SEMA6A: variants seen among roughly 807,000 people sequenced by gnomAD.
The protein encoded by SEMA6A is semaphorin 6A, also known as semaphorin-6A.
In SEMA6A, 25 loss-of-function variants were observed where a neutral mutation model predicts 96.8. The ratio of observed to expected loss-of-function variants is 0.26; its 90% CI spans 0.19 to 0.36. SEMA6A has a LOEUF of 0.36. Among genes scored for constraint, SEMA6A ranks in the 10% least tolerant of loss-of-function variants. The pLI is 1.00. For synonymous variants in SEMA6A, 612 were observed against 518.0 expected, an observed-to-expected ratio of 1.18 and a Z score of -2.46; for missense variants, 1,363 against 1,323.1, an observed-to-expected ratio of 1.03 and a Z score of -0.47.
chr5:116,565,030 C>T (rs1231274114), intron 1 of SEMA6A, among the ~76,000 whole-genome samples: 1 of 152,220 alleles, frequency 6.6e-6, no homozygotes, highest in Non-Finnish European at 1.5e-5. Context: ...TCATGAATGG[C>T]CTCATTTACC....
At chr5:116,481,040 C>T (rs1277575876) in intron 11 of SEMA6A, among the ~76,000 whole-genome samples, 2 of 152,074 alleles carry the variant, frequency 1.3e-5, no homozygotes, top group Non-Finnish European at 2.9e-5. Context: ...GGAGATTGGA[C>T]CCTCACGACA....
rs973399913 is a variant in SEMA6A at position 116,451,126 on chromosome 5, G to GT, written c.1895-3316dup. 2.6e-5 allele frequency among the ~76,000 whole-genome samples: 4 copies of GT among 152,256 alleles called. No individual in the cohort carries two copies. In the East Asian group the frequency reaches 5.8e-4, roughly 22 times the overall value. On this transcript the variant is annotated intron_variant, in intron 18 of 18. Coordinates refer to ENST00000343348, the MANE Select transcript of SEMA6A (RefSeq NM_020796.5). ...AGTGACTTAACATCTCTGGGCCTCA[G>GT]TTTTTTTATCTGTAGCATGAGGTGA...
At chr5:116,507,938 T>C (rs922310155) in intron 1 of SEMA6A, 2 of 152,230 alleles carry the variant, frequency 1.3e-5, no homozygotes, top group African/African-American at 4.8e-5. Flanking sequence ...TTCATTTTAA[T>C]AGGCATCTGC....
At position 116,447,234 on chromosome 5, in the gene SEMA6A, G is replaced by T; in HGVS notation, c.2472C>A (p.Gly824=). The change falls in exon 19 of 19, where the codon GGC becomes GGA. Residue 824 remains glycine (G), a synonymous_variant. Coordinates refer to ENST00000343348, the MANE Select transcript of SEMA6A (RefSeq NM_020796.5). The stretch of plus-strand genomic sequence containing the variant: ...GCTGGTCCACGTACTCATGCTGGTA[G>T]CCCTGCTGCGTGATGGGCAGGACCA... ...SVVVLPITQQ[G]YQHEYVDQPK... 1 of 1,614,028 alleles carries T rather than the reference G, an allele frequency of 6.2e-7. No individual in the cohort carries two copies. Among genetic ancestry groups the T allele is most frequent in the South Asian group, 1.1e-5 (1 of 91,082 alleles).
chr5:116,557,764 A>G (rs1327148763), intron 1 of SEMA6A, among the ~76,000 whole-genome samples: 1 of 152,198 alleles, frequency 6.6e-6, no homozygotes, highest in Non-Finnish European at 1.5e-5. Flanking sequence ...ACTATGTATC[A>G]TAAACTTAAC....
intron 1 of SEMA6A, among the ~76,000 whole-genome samples, chr5:116,571,573 A>G (rs1246054854): frequency 6.6e-6 from 1 of 152,186 alleles, no homozygotes; most frequent in African/African-American, 2.4e-5. Context: ...TCCCAAAACC[A>G]AAATAATAAC....
chr5:116,551,005 G>A (rs768275340), intron 1 of SEMA6A, among the ~76,000 whole-genome samples: 4 of 152,062 alleles, frequency 2.6e-5, no homozygotes, highest in Admixed American at 6.6e-5. Context: ...ATTTTCAAAC[G>A]CTGGCATCCG....
intron 1 of SEMA6A, among the ~76,000 whole-genome samples, chr5:116,565,216 T>A (rs191858279): frequency 2.8e-4 from 42 of 152,264 alleles, no homozygotes; most frequent in East Asian, 1.9e-3. Context: ...CATAACAAGG[T>A]CCAGGGAGAC....
intron 1 of SEMA6A, among the ~76,000 whole-genome samples, chr5:116,529,338 G>T (rs1164470705): frequency 6.6e-6 from 1 of 152,130 alleles, no homozygotes; most frequent in Non-Finnish European, 1.5e-5. Context: ...GCACTGTAGG[G>T]TGACTATAAT....
rs747506306 is a variant in SEMA6A, at chr5:116,486,731, C to T, written c.962+18G>A. 1.9e-6 allele frequency: 3 copies of T among 1,604,258 alleles called. No homozygotes were observed. The highest frequency in any genetic ancestry group is 2.2e-5 in the South Asian group (2 of 90,818). ...CCAGGAAGAATTGATGAGGTCAACA[C>T]AGCTAGGGCATGATTACCTGTTATA... On this transcript the variant is annotated intron_variant, in intron 10 of 18. Transcript: ENST00000343348.
intron 11 of SEMA6A, among the ~76,000 whole-genome samples, chr5:116,481,045 A>C (rs866193346): frequency 2.0e-5 from 3 of 152,108 alleles, no homozygotes; most frequent in Admixed American, 6.5e-5. Context: ...TTGGACCCTC[A>C]CGACACCAGC....
At chr5:116,539,554 T>C (rs1759870201) in intron 1 of SEMA6A, among the ~76,000 whole-genome samples, 1 of 151,970 alleles carries the variant, frequency 6.6e-6, no homozygotes, top group South Asian at 2.1e-4. Flanking sequence ...TATGGTTAAC[T>C]TGTCCTTCAG....
At chr5:116,484,922 G>A (rs928955360) in intron 10 of SEMA6A, among the ~76,000 whole-genome samples, 3 of 152,168 alleles carry the variant, frequency 2.0e-5, no homozygotes, top group Non-Finnish European at 4.4e-5. Context: ...AGGAAATGGG[G>A]CCAGACCCTG....
intron 1 of SEMA6A, among the ~76,000 whole-genome samples, chr5:116,542,278 G>A (rs1185592678): frequency 6.6e-6 from 1 of 152,130 alleles, no homozygotes; most frequent in Non-Finnish European, 1.5e-5. Flanking sequence ...ATATTCTAGT[G>A]TTTATATAAG....
At chr5:116,515,540 A>C (rs891539346) in intron 1 of SEMA6A, among the ~76,000 whole-genome samples, 1 of 152,216 alleles carries the variant, frequency 6.6e-6, no homozygotes, top group African/African-American at 2.4e-5. Context: ...AGATATCTGG[A>C]GAGTGACTTT....
intron 18 of SEMA6A, among the ~76,000 whole-genome samples, chr5:116,462,106 T>G (rs1392893593): frequency 1.3e-5 from 2 of 152,162 alleles, no homozygotes; most frequent in African/African-American, 4.8e-5. Flanking sequence ...GCCAAAAAAT[T>G]ACCTTCTGTG....
chr5:116,473,256 T>A (rs1465641312), intron 16 of SEMA6A, among the ~76,000 whole-genome samples, 163 bp from the exon 17 acceptor site: 1 of 152,248 alleles, frequency 6.6e-6, no homozygotes, highest in Admixed American at 6.5e-5. Flanking sequence ...TGCCTTCTAC[T>A]CAGTCCGATT....
At chr5:116,467,506 G>C in intron 18 of SEMA6A, 77 bp downstream of exon 18, 1 of 1,417,492 alleles carries the variant, frequency 7.1e-7, no homozygotes, top group Non-Finnish European at 9.4e-7. Flanking sequence ...CCAAAATTCA[G>C]CTGGAAGCAG....
intron 2 of SEMA6A, 177 bp from the exon 3 acceptor site, chr5:116,502,504 T>G (rs1757933696): frequency 5.4e-6 from 3 of 556,860 alleles, no homozygotes; most frequent in Non-Finnish European, 9.6e-6. Flanking sequence ...AGAGTGCTCC[T>G]TAAGGTTCAT....
Sources: allele counts gnomAD v4.1 joint callset (sites outside exome capture counted in the v4.1 genomes callset), GRCh38; gene constraint gnomAD v4.1.1; transcripts MANE v1.5; gene names NCBI Gene and HGNC (gene_info 2026-07-23, HGNC 2026-07-21).